MAPKAP1: variants seen among roughly 807,000 people sequenced by gnomAD.
MAPKAP1 encodes MAPK associated protein 1.
MAPKAP1 carries 20 observed loss-of-function variants against 65.7 expected under a neutral mutation model. That is an observed-to-expected ratio of 0.30 (90% CI 0.21 to 0.44). MAPKAP1 has a LOEUF of 0.44. Ranked by LOEUF, MAPKAP1 falls within the 20% of genes least tolerant of loss-of-function variation. MAPKAP1 has a pLI of 1.00. For missense variants in MAPKAP1, 423 were observed against 648.0 expected (o/e 0.65, Z 3.77); for synonymous variants, 222 against 244.3 (o/e 0.91, Z 0.85).
chr9:125,659,414 G>C (rs568330210), intron 3 of MAPKAP1, among the ~76,000 whole-genome samples: 1 of 152,086 alleles, frequency 6.6e-6, no homozygotes, highest in African/African-American at 2.4e-5. Flanking sequence ...TTCACACTCA[G>C]ACCTCTCTCC....
intron 4 of MAPKAP1, among the ~76,000 whole-genome samples, chr9:125,622,938 C>T (rs1832952818): frequency 6.6e-6 from 1 of 152,188 alleles, no homozygotes; most frequent in African/African-American, 2.4e-5. Flanking sequence ...TGCCGAATGC[C>T]TGCGATTGCA....
chr9:125,481,295 T>A (rs528215576), intron 9 of MAPKAP1, among the ~76,000 whole-genome samples: 2 of 152,112 alleles, frequency 1.3e-5, no homozygotes, highest in South Asian at 4.1e-4. Flanking sequence ...AAGAAGCCCA[T>A]GATCTTGGTT....
chr9:125,687,608 C>T (rs1346493750), intron 1 of MAPKAP1, among the ~76,000 whole-genome samples: 1 of 133,744 alleles, frequency 7.5e-6, no homozygotes, highest in African/African-American at 2.7e-5. Flanking sequence ...AAGACCCCAC[C>T]TATACAAAAA....
intron 1 of MAPKAP1, among the ~76,000 whole-genome samples, chr9:125,686,732 TG>T (rs1327006998): frequency 8.5e-5 from 13 of 152,350 alleles, no homozygotes; most frequent in African/African-American, 2.6e-4. Context: ...GACGAAGAAT[TG>T]TAATAGTATC....
chr9:125,685,714 C>A (rs1335729831), intron 1 of MAPKAP1, among the ~76,000 whole-genome samples: 1 of 152,196 alleles, frequency 6.6e-6, no homozygotes. Context: ...TCTAAACTCT[C>A]AAGACACTGA....
At chr9:125,448,035 A>G (rs1315770052) in intron 10 of MAPKAP1, among the ~76,000 whole-genome samples, 1 of 152,182 alleles carries the variant, frequency 6.6e-6, no homozygotes, top group African/African-American at 2.4e-5. Context: ...GGGGGTCACT[A>G]GAGGGGTTTA....
chr9:125,583,281 T>C (rs1831678889), intron 5 of MAPKAP1, among the ~76,000 whole-genome samples: 1 of 152,204 alleles, frequency 6.6e-6, no homozygotes, highest in Non-Finnish European at 1.5e-5. Flanking sequence ...CAGGTATCAG[T>C]TTAGATGTCA....
In MAPKAP1 at chr9:125,657,651, C is replaced by T; in HGVS notation, c.498G>A (p.Lys166=). Residue 166 remains lysine (K), a splice_region_variant and synonymous_variant, in exon 4 of 12, where the codon AAG becomes AAA. Coordinates refer to ENST00000265960, the MANE Select transcript of MAPKAP1 (RefSeq NM_001006617.3). ...GGGACAAAGTCTCATTTTTACTTAC[C>T]TTGCCATCAAATTTGGAATACTCGT... ...PFNEYSKFDG[K]GHVGTTATKK... The T allele has an allele frequency of 5.6e-6, 9 of 1,600,432 alleles. No individual in the cohort carries two copies. The highest frequency in any genetic ancestry group is 7.7e-6 in the Non-Finnish European group (9 of 1,174,866).
At chr9:125,704,407 T>A (rs1220103149) in intron 1 of MAPKAP1, among the ~76,000 whole-genome samples, 1 of 152,230 alleles carries the variant, frequency 6.6e-6, no homozygotes, top group Non-Finnish European at 1.5e-5. Flanking sequence ...TCCTTCTCAG[T>A]GTTCTATGGT....
intron 1 of MAPKAP1, among the ~76,000 whole-genome samples, chr9:125,703,610 A>C (rs1835669247): frequency 6.6e-6 from 1 of 152,076 alleles, no homozygotes; most frequent in South Asian, 2.1e-4. Flanking sequence ...CGTTTCTACT[A>C]AAAACACAAA....
At chr9:125,704,058 C>A (rs951891778) in intron 1 of MAPKAP1, among the ~76,000 whole-genome samples, 1 of 152,176 alleles carries the variant, frequency 6.6e-6, no homozygotes, top group African/African-American at 2.4e-5. Context: ...CCTCGTGATC[C>A]CTCCTGTCTC....
chr9:125,552,080 A>G (rs994445720), intron 6 of MAPKAP1, among the ~76,000 whole-genome samples: 3 of 152,178 alleles, frequency 2.0e-5, no homozygotes, highest in African/African-American at 7.2e-5. Context: ...ATATCCAAAC[A>G]TCTTTACTGC....
chr9:125,686,779 C>A (rs1299904194), intron 1 of MAPKAP1, among the ~76,000 whole-genome samples: 2 of 151,926 alleles, frequency 1.3e-5, no homozygotes, highest in African/African-American at 4.8e-5. Context: ...AAAGGTAAAC[C>A]ATGTTGACTG....
intron 4 of MAPKAP1, among the ~76,000 whole-genome samples, chr9:125,656,879 A>C (rs892716918): frequency 2.6e-5 from 4 of 152,184 alleles, no homozygotes; most frequent in Admixed American, 1.3e-4. Flanking sequence ...GCTGCATATG[A>C]AACTAGGATC....
At chr9:125,570,681 G>C (rs1250715501) in intron 5 of MAPKAP1, among the ~76,000 whole-genome samples, 3 of 152,174 alleles carry the variant, frequency 2.0e-5, no homozygotes, top group Non-Finnish European at 4.4e-5. Flanking sequence ...GTGAAAGATT[G>C]TAAGAAATCA....
chr9:125,556,481 C>T (rs1830738409), intron 6 of MAPKAP1, among the ~76,000 whole-genome samples: 1 of 152,234 alleles, frequency 6.6e-6, no homozygotes, highest in East Asian at 1.9e-4. Context: ...CCTCAGGTTC[C>T]ACGCCTCTAA....
At chr9:125,598,622 T>C (rs1429182236) in intron 4 of MAPKAP1, among the ~76,000 whole-genome samples, 1 of 152,184 alleles carries the variant, frequency 6.6e-6, no homozygotes, top group East Asian at 1.9e-4. Flanking sequence ...TGAGTTCAAT[T>C]ATAAGCAATG....
intron 5 of MAPKAP1, among the ~76,000 whole-genome samples, chr9:125,575,199 A>G (rs565766682): frequency 3.5e-4 from 54 of 152,254 alleles, no homozygotes; most frequent in African/African-American, 1.3e-3. Flanking sequence ...TGCCACTACA[A>G]AAAATTTTAA....
At chr9:125,698,295 ATATAT>A (rs1835469947) in intron 1 of MAPKAP1, among the ~76,000 whole-genome samples, 2 of 6,582 alleles carry the variant, frequency 3.0e-4, no homozygotes, top group African/African-American at 6.1e-4. Context: ...ATAAATATAT[ATATAT>A]ATATATATAT....
Sources: gnomAD v4.1 joint callset for allele counts (sites outside exome capture counted in the v4.1 genomes callset) on GRCh38, gnomAD v4.1.1 for gene constraint, MANE v1.5 for transcripts, NCBI Gene and HGNC (gene_info 2026-07-23, HGNC 2026-07-21) for gene names.